Variants in HOOK3 observed in about 807,000 individuals in gnomAD.
HOOK3 encodes hook microtubule tethering protein 3.
Under a neutral mutation model 116.3 loss-of-function variants are expected in HOOK3, and 24 were observed. The observed-to-expected ratio is 0.21, with a 90% CI of 0.15 to 0.29. The LOEUF (loss-of-function observed/expected upper bound fraction) is 0.29, where lower values mean the gene tolerates loss of function less well. Ranked by LOEUF, HOOK3 falls within the 10% of genes least tolerant of loss-of-function variation. The pLI, the probability that HOOK3 is intolerant of heterozygous loss-of-function variation, is 1.00. For missense variants in HOOK3, 632 were observed against 830.2 expected (o/e 0.76, Z 2.93); for synonymous variants, 275 against 283.0 (o/e 0.97, Z 0.28).
chr8:42,915,275 C>T (rs902183108), intron 2 of HOOK3, among the ~76,000 whole-genome samples: 1 of 151,924 alleles, frequency 6.6e-6, no homozygotes, highest in Non-Finnish European at 1.5e-5. Context: ...CCTCCCATAC[C>T]TGGGAGGCTG....
At chr8:42,958,831 G>A (rs1391275873) in intron 7 of HOOK3, among the ~76,000 whole-genome samples, 5 of 151,242 alleles carry the variant, frequency 3.3e-5, no homozygotes, top group African/African-American at 4.9e-5. Context: ...TTAATATAAC[G>A]AAAACACTTG....
intron 5 of HOOK3, among the ~76,000 whole-genome samples, chr8:42,946,956 A>T (rs1233124482): frequency 6.6e-6 from 1 of 151,716 alleles, no homozygotes; most frequent in African/African-American, 2.4e-5. Context: ...TTTTTAGTAG[A>T]GACGGGTTTT....
At chr8:42,937,948 A>G (rs1451083582) in intron 4 of HOOK3, among the ~76,000 whole-genome samples, 6 of 152,060 alleles carry the variant, frequency 3.9e-5, no homozygotes, top group Non-Finnish European at 8.8e-5. Context: ...TATCCTTGTT[A>G]ATTTTCTGTC....
At chr8:42,953,232 ATTCTAC>A (rs1338347849) in intron 6 of HOOK3, among the ~76,000 whole-genome samples, 1 of 149,964 alleles carries the variant, frequency 6.7e-6, no homozygotes, top group African/African-American at 2.5e-5. Context: ...TGATCCTGTA[ATTCTAC>A]TTTTAGGAGT....
chr8:42,978,245 C>T (rs997456782), intron 13 of HOOK3, among the ~76,000 whole-genome samples: 2 of 151,976 alleles, frequency 1.3e-5, no homozygotes, highest in African/African-American at 4.8e-5. Context: ...TATCAGATAA[C>T]CATTTTCTTT....
At chr8:42,946,663 A>G (rs747151095) in intron 5 of HOOK3, among the ~76,000 whole-genome samples, 5 of 151,602 alleles carry the variant, frequency 3.3e-5, no homozygotes, top group Non-Finnish European at 5.9e-5. Flanking sequence ...TCTTGAAGTT[A>G]TGACTAATTT....
chr8:42,970,379 T>G (rs1045811774), intron 11 of HOOK3, among the ~76,000 whole-genome samples: 3 of 152,222 alleles, frequency 2.0e-5, no homozygotes, highest in Non-Finnish European at 2.9e-5. Flanking sequence ...TACTTTGTCC[T>G]TTTTCAAAAG....
intron 16 of HOOK3, among the ~76,000 whole-genome samples, chr8:43,000,547 A>G (rs894367315): frequency 1.3e-5 from 2 of 152,164 alleles, no homozygotes; most frequent in Non-Finnish European, 2.9e-5. Context: ...CACTTATATA[A>G]ATTATCTTGA....
chr8:42,952,997 G>A (rs1011697250), intron 6 of HOOK3, among the ~76,000 whole-genome samples: 7 of 151,816 alleles, frequency 4.6e-5, no homozygotes, highest in Non-Finnish European at 7.4e-5. Flanking sequence ...ATTTCTAGCC[G>A]GCAGAAAGGA....
At chr8:42,987,329 T>C (rs1474469483) in intron 15 of HOOK3, among the ~76,000 whole-genome samples, 9 of 152,234 alleles carry the variant, frequency 5.9e-5, no homozygotes. Context: ...TTGTCCTCTT[T>C]ACTTCTTCAT....
rs1018858089 is a variant in HOOK3, at chr8:43,019,349, A to C, written c.*851A>C. On this transcript the variant is annotated 3_prime_UTR_variant, in exon 22 of 22. Transcript: ENST00000307602. ...TGACATACCTTCAGTTGCTTTCCAC[A>C]TCTAAAAGAGTTATCTTTCATATAT... 9.3e-6 allele frequency: 2 copies of C among 214,282 alleles called. No homozygotes were observed. The highest frequency in any genetic ancestry group is 4.5e-5 in the African/African-American group (2 of 44,334). The allele number at this position is 214,282 out of a possible 1,614,324, so 13.3% of individuals were successfully genotyped here. A position where few individuals can be genotyped will look rare whatever the true frequency, so the allele number is the denominator to read the frequency against.
chr8:42,945,257 A>G (rs77786122), intron 5 of HOOK3, among the ~76,000 whole-genome samples: 5,430 of 152,300 alleles, frequency 0.036, 153 homozygotes, highest in Middle Eastern at 0.071. Flanking sequence ...AGTTATTACT[A>G]GGAAACATGA....
chr8:42,974,395 C>A (rs185588250), intron 13 of HOOK3, among the ~76,000 whole-genome samples: 2 of 152,136 alleles, frequency 1.3e-5, no homozygotes, highest in Non-Finnish European at 2.9e-5. Context: ...CACACCACCA[C>A]GCCCAGCTAA....
chr8:42,908,498 G>A (rs1807358692), intron 2 of HOOK3, among the ~76,000 whole-genome samples: 1 of 152,100 alleles, frequency 6.6e-6, no homozygotes, highest in Non-Finnish European at 1.5e-5. Context: ...ATTCCAGAAA[G>A]GAACCCATAC....
At chr8:42,953,717 C>T (rs1808384013) in intron 6 of HOOK3, among the ~76,000 whole-genome samples, 1 of 151,512 alleles carries the variant, frequency 6.6e-6, no homozygotes, top group Non-Finnish European at 1.5e-5. Flanking sequence ...CAAGTAATGC[C>T]TCTGAATTTA....
At chr8:42,987,459 G>C (rs898596947) in intron 15 of HOOK3, among the ~76,000 whole-genome samples, 1 of 152,144 alleles carries the variant, frequency 6.6e-6, no homozygotes, top group Non-Finnish European at 1.5e-5. Flanking sequence ...TTGTTGTCGG[G>C]CTAATAGAGT....
chr8:42,936,071 C>T (rs1807963973), intron 4 of HOOK3, among the ~76,000 whole-genome samples: 2 of 152,148 alleles, frequency 1.3e-5, no homozygotes, highest in Admixed American at 1.3e-4. Flanking sequence ...TTTCCTTGAG[C>T]AGTGGTTTGT....
chr8:43,023,751 G>C lies in HOOK3; in HGVS notation c.*5253G>C. The C allele has an allele frequency of 5.2e-6, 1 of 191,778 alleles. No individual in the cohort carries two copies. The highest frequency in any genetic ancestry group is 1.1e-5 in the Non-Finnish European group (1 of 91,530). The allele number at this position is 191,778 out of a possible 1,614,324, so 11.9% of individuals were successfully genotyped here. On this transcript the variant is annotated 3_prime_UTR_variant, in exon 22 of 22. Coordinates refer to ENST00000307602, the MANE Select transcript of HOOK3 (RefSeq NM_032410.4). ...GCTGGGATTACAGGCGTGTGTTACTGCCCCAGCCTCCTATTTCCTTTTCGA... is the reference window on the plus strand; with the variant it reads ...GCTGGGATTACAGGCGTGTGTTACTCCCCCAGCCTCCTATTTCCTTTTCGA...
intron 4 of HOOK3, among the ~76,000 whole-genome samples, chr8:42,939,399 A>AC (rs1050433574): frequency 5.6e-5 from 8 of 142,384 alleles, no homozygotes; most frequent in Non-Finnish European, 7.7e-5. Context: ...CGGGGGGCTG[A>AC]CCCCCCTACC....
Sources: allele counts gnomAD v4.1 joint callset (sites outside exome capture counted in the v4.1 genomes callset), GRCh38; gene constraint gnomAD v4.1.1; transcripts MANE v1.5; gene names NCBI Gene and HGNC (gene_info 2026-07-23, HGNC 2026-07-21).